Variants in SCAPER observed in about 807,000 individuals in gnomAD.
The protein encoded by SCAPER is S-phase cyclin A associated protein in the ER.
In SCAPER, 98 loss-of-function variants were observed where a neutral mutation model predicts 182.2. That is an observed-to-expected ratio of 0.54 (90% CI 0.46 to 0.64). The LOEUF is 0.64. Among genes scored for constraint, SCAPER ranks in the 30% least tolerant of loss-of-function variants. The probability of loss-of-function intolerance (pLI) is 0.00; values close to 1 mark genes in which losing one functional copy is unlikely to be tolerated. For missense variants in SCAPER, 1,432 were observed against 1,690.0 expected (o/e 0.85, Z 2.68); for synonymous variants, 605 against 564.6 (o/e 1.07, Z -1.01).
intron 27 of SCAPER, among the ~76,000 whole-genome samples, chr15:76,382,372 T>A (rs539884951): frequency 1.1e-3 from 171 of 151,936 alleles, no homozygotes; most frequent in Non-Finnish European, 1.5e-3. Context: ...TTTTATTTTT[T>A]TTTTTTAATT....
At chr15:76,637,742 ATGTGTGTGTGTG>A (rs55726181) in intron 21 of SCAPER, among the ~76,000 whole-genome samples, 26,082 of 105,784 alleles carry the variant, frequency 0.25, 3,984 homozygotes, top group Admixed American at 0.34. Flanking sequence ...ATATATATAT[ATGTGTGTGTGTG>A]TGTGTGTGTG....
At chr15:76,825,902 G>A (rs1408731024) in intron 5 of SCAPER, among the ~76,000 whole-genome samples, 4 of 151,962 alleles carry the variant, frequency 2.6e-5, no homozygotes, top group Non-Finnish European at 2.9e-5. Context: ...ACACCACCAC[G>A]CCCAGCTAAT....
At position 76,790,099 on chromosome 15, in the gene SCAPER, CG is replaced by C. The variant is rs772804912; in HGVS notation, c.772+5180del. ...AAAAAAAATTAGCCAGGCGTGGTGG[CG>C]GGCGCCTGTAATCCCAGCTACTGAG... On this transcript the variant is annotated intron_variant, in intron 8 of 31. Coordinates refer to ENST00000563290, the MANE Select transcript of SCAPER (RefSeq NM_020843.4). 2.7e-4 allele frequency among the ~76,000 whole-genome samples: 41 copies of C among 151,866 alleles called. 1 individual carries two copies. The highest frequency in any genetic ancestry group is 3.2e-3 in the Middle Eastern group (1 of 316).
intron 26 of SCAPER, among the ~76,000 whole-genome samples, chr15:76,417,838 TG>T (rs1428747647): frequency 6.6e-6 from 1 of 152,024 alleles, no homozygotes; most frequent in African/African-American, 2.4e-5. Context: ...GCCAACATGG[TG>T]AAACCCTGCC....
At chr15:76,386,256 C>T (rs553765406) in intron 27 of SCAPER, among the ~76,000 whole-genome samples, 2 of 152,332 alleles carry the variant, frequency 1.3e-5, no homozygotes, top group East Asian at 3.9e-4. Flanking sequence ...TGCAAGATCC[C>T]TTAAGCCAAG....
At chr15:76,377,664 T>A (rs578062114) in intron 28 of SCAPER, among the ~76,000 whole-genome samples, 1 of 152,144 alleles carries the variant, frequency 6.6e-6, no homozygotes, top group Non-Finnish European at 1.5e-5. Context: ...GAATTCAGAG[T>A]GAAATCAGAC....
At chr15:76,567,678 G>A (rs930141298) in intron 23 of SCAPER, among the ~76,000 whole-genome samples, 4 of 152,126 alleles carry the variant, frequency 2.6e-5, no homozygotes, top group Non-Finnish European at 5.9e-5. Flanking sequence ...ATTTCTTTCA[G>A]AATGCCTATC....
chr15:76,404,465 C>CA lies in SCAPER; in HGVS notation c.3467+58dup. ...TCCTATGAAATGACCCTAGAATGGG[C>CA]AAAATTCAAGAGATGTTCCAAAAGT... On this transcript the variant is annotated intron_variant, in intron 27 of 31. Coordinates refer to ENST00000563290, the MANE Select transcript of SCAPER (RefSeq NM_020843.4). 15 of 1,517,006 alleles carry CA rather than the reference C, an allele frequency of 9.9e-6. No individual in the cohort carries two copies. The South Asian group carries it at 1.9e-4, about 20-fold the overall frequency. 94.0% of individuals were successfully genotyped at this position (1,517,006 alleles called of 1,614,324 possible). A position where few individuals can be genotyped will look rare whatever the true frequency, so the allele number is the denominator to read the frequency against.
intron 22 of SCAPER, among the ~76,000 whole-genome samples, chr15:76,609,885 TC>T (rs920978294): frequency 2.6e-5 from 4 of 152,070 alleles, no homozygotes; most frequent in Non-Finnish European, 5.9e-5. Context: ...TCTTTTTTTT[TC>T]CCCCTTATGT....
intron 26 of SCAPER, among the ~76,000 whole-genome samples, chr15:76,431,203 T>A (rs948535363): frequency 5.3e-5 from 8 of 152,100 alleles, no homozygotes; most frequent in Admixed American, 1.3e-4. Flanking sequence ...AATGTGCCAA[T>A]GAAAAAAATT....
chr15:76,654,168 C>T (rs769217065), intron 21 of SCAPER, among the ~76,000 whole-genome samples: 3 of 151,974 alleles, frequency 2.0e-5, no homozygotes. Context: ...TTTGGGAGGC[C>T]AAGGCGGGCT....
At chr15:76,762,145 C>T (rs528829582) in intron 14 of SCAPER, among the ~76,000 whole-genome samples, 1 of 152,252 alleles carries the variant, frequency 6.6e-6, no homozygotes, top group Admixed American at 6.5e-5. Context: ...CCTTCGTGTT[C>T]AGCCAAGTCT....
intron 8 of SCAPER, among the ~76,000 whole-genome samples, chr15:76,778,800 T>G (rs972197659): frequency 6.6e-6 from 1 of 152,050 alleles, no homozygotes; most frequent in Non-Finnish European, 1.5e-5. Context: ...AGTACATAAG[T>G]ATATACTTAG....
chr15:76,701,754 T>G lies in SCAPER; in HGVS notation c.2508+4A>C. 6.2e-7 allele frequency: 1 copy of G among 1,611,632 alleles called. No individual in the cohort carries two copies. The highest frequency in any genetic ancestry group is 8.5e-7 in the Non-Finnish European group (1 of 1,177,882). On this transcript the variant is annotated splice_donor_region_variant and intron_variant, in intron 20 of 31. Transcript: ENST00000563290. ...AATTGTAAATGAACAAAAATAAAGT[T>G]TACCACTTCTTCATCTGACAGTTCA...
intron 24 of SCAPER, among the ~76,000 whole-genome samples, chr15:76,480,736 A>G (rs879446986): frequency 1.3e-5 from 2 of 151,796 alleles, no homozygotes; most frequent in Non-Finnish European, 2.9e-5. Flanking sequence ...CCACTATTCT[A>G]CTTTTTTTTT....
intron 20 of SCAPER, among the ~76,000 whole-genome samples, chr15:76,691,881 T>C (rs979822233): frequency 6.6e-6 from 1 of 152,218 alleles, no homozygotes; most frequent in African/African-American, 2.4e-5. Flanking sequence ...TCTATATTAC[T>C]GTCAAACAAA....
intron 27 of SCAPER, among the ~76,000 whole-genome samples, chr15:76,385,662 C>G (rs2043243285): frequency 6.6e-6 from 1 of 152,200 alleles, no homozygotes; most frequent in African/African-American, 2.4e-5. Flanking sequence ...GAAAGCCAAA[C>G]TGTATCCAGT....
intron 27 of SCAPER, among the ~76,000 whole-genome samples, chr15:76,394,297 G>A (rs751048530): frequency 3.9e-5 from 6 of 152,136 alleles, no homozygotes; most frequent in Admixed American, 6.5e-5. Flanking sequence ...GTTAAGTAAC[G>A]AATTTCCTGT....
At chr15:76,511,576 TCTC>T (rs1409622148) in intron 23 of SCAPER, among the ~76,000 whole-genome samples, 1 of 152,164 alleles carries the variant, frequency 6.6e-6, no homozygotes, top group Non-Finnish European at 1.5e-5. Context: ...GGATCCTTCC[TCTC>T]TTGTAACCAA....
Sources: allele counts gnomAD v4.1 joint callset (sites outside exome capture counted in the v4.1 genomes callset), GRCh38; gene constraint gnomAD v4.1.1; transcripts MANE v1.5; gene names NCBI Gene and HGNC (gene_info 2026-07-23, HGNC 2026-07-21).